KIF1A: variants seen among roughly 807,000 people sequenced by gnomAD.
The protein encoded by KIF1A is kinesin-like protein KIF1A.
Under a neutral mutation model 227.3 loss-of-function variants are expected in KIF1A, and 46 were observed. That is an observed-to-expected ratio of 0.20 (90% CI 0.16 to 0.26). KIF1A has a LOEUF of 0.26. KIF1A is among the 10% of genes least tolerant of loss of function. The pLI is 1.00. For missense variants in KIF1A, 1,683 were observed against 2,485.9 expected (o/e 0.68, Z 6.87); for synonymous variants, 1,022 against 1,012.8 (o/e 1.01, Z -0.17).
At chr2:240,729,725 C>A (rs1181181305) in intron 38 of KIF1A, among the ~76,000 whole-genome samples, 1 of 152,240 alleles carries the variant, frequency 6.6e-6, no homozygotes, top group Non-Finnish European at 1.5e-5. Flanking sequence ...CTGCTCAGAC[C>A]CCAGTGGACT....
rs760838535 is a variant in KIF1A, at chr2:240,742,963, G to C, written c.3606C>G (p.Arg1202=). 1.2e-6 allele frequency: 2 copies of C among 1,611,466 alleles called. No homozygotes were observed. The highest frequency in any genetic ancestry group is 2.7e-5 in the African/African-American group (2 of 74,912). Residue 1202 remains arginine, a synonymous_variant, in exon 34 of 49, where the codon CGC becomes CGG. Transcript: ENST00000498729. The part of the protein sequence containing the change: ...DVLSPLRPSR[R]HFPRVMPLSK... ...ACAGTGGCATGACCCGAGGGAAGTG[G>C]CGGCGCGAGGGCCTCAGGGGGCTGT...
At chr2:240,718,349 G>A (rs1366730709) in intron 47 of KIF1A, among the ~76,000 whole-genome samples, 181 bp from the exon 48 acceptor site, 1 of 152,190 alleles carries the variant, frequency 6.6e-6, no homozygotes, top group African/African-American at 2.4e-5. Flanking sequence ...CCTTCTGGAC[G>A]CATCTGCGGC....
chr2:240,799,698 A>G (rs1333135870), intron 1 of KIF1A, among the ~76,000 whole-genome samples: 1 of 152,204 alleles, frequency 6.6e-6, no homozygotes. Context: ...AGGAACAGGC[A>G]AGTTCACCAG....
At chr2:240,718,407 G>A (rs575182233) in intron 47 of KIF1A, among the ~76,000 whole-genome samples, 4 of 152,350 alleles carry the variant, frequency 2.6e-5, no homozygotes, top group African/African-American at 4.8e-5. Flanking sequence ...CCCACGGGAC[G>A]TGACTGCCCC....
intron 38 of KIF1A, among the ~76,000 whole-genome samples, chr2:240,729,084 T>C (rs527803638): frequency 4.6e-5 from 7 of 152,250 alleles, no homozygotes; most frequent in Admixed American, 6.5e-5. Context: ...CATGTCATCA[T>C]CACTGTCTGG....
rs67736580 is a variant in KIF1A, at chr2:240,766,722, A to ATCTCTCTCTC, written c.1684+183_1684+192dup. Among the ~76,000 whole-genome samples the ATCTCTCTCTC allele has an allele frequency of 2.4e-4, 29 of 122,632 alleles. No homozygotes were observed. Among genetic ancestry groups the ATCTCTCTCTC allele is most frequent in the African/African-American group, 7.1e-4 (20 of 28,344 alleles). The allele number at this position is 122,632 out of a possible 152,430, so 80.5% of individuals were successfully genotyped here. On this transcript the variant is annotated intron_variant, in intron 19 of 48. Transcript: ENST00000498729. The surrounding 1 kb of genome is among the most constrained non-coding windows in gnomAD (Gnocchi z 5.0). ...CCCAAATATCTCTCTCTCTCTCCAA[A>ATCTCTCTCTC]TCTCTCTCTCTCTCTCTCTCTCTCT...
intron 20 of KIF1A, among the ~76,000 whole-genome samples, chr2:240,763,652 C>T (rs2050803250): frequency 6.6e-6 from 1 of 152,204 alleles, no homozygotes; most frequent in Admixed American, 6.5e-5. Flanking sequence ...CTCCTGCCCC[C>T]AAGCCCCTGT....
intron 43 of KIF1A, 114 bp from the exon 44 acceptor site, chr2:240,721,998 G>C: frequency 1.3e-6 from 1 of 798,070 alleles, no homozygotes; most frequent in South Asian, 1.5e-5. Flanking sequence ...TCCGACGCCA[G>C]AGCACAGTGG....
At chr2:240,722,230 T>C (rs184150030) in intron 43 of KIF1A, among the ~76,000 whole-genome samples, 1 of 152,046 alleles carries the variant, frequency 6.6e-6, no homozygotes, top group East Asian at 1.9e-4. Context: ...TTCAAGAGAG[T>C]GATTCATCGC....
At chr2:240,724,297 T>C in intron 40 of KIF1A, 1 of 528,134 alleles carries the variant, frequency 1.9e-6, no homozygotes, top group Non-Finnish European at 3.4e-6. Context: ...CACAGCAGCC[T>C]CCACTTTGTC....
At chr2:240,719,579 A>C (rs1481572316) in intron 46 of KIF1A, among the ~76,000 whole-genome samples, 195 bp downstream of exon 46, 1 of 151,932 alleles carries the variant, frequency 6.6e-6, no homozygotes. Context: ...GCCCTGCCTG[A>C]CCTCCCAGCA....
At position 240,714,076 on chromosome 2, in the gene KIF1A, A is replaced by C. The variant is rs1559467743; in HGVS notation, c.*3288T>G. ...GACCGCACGGCCCGGCACCGGGGGT[A>C]AGGGAGTGTGCCTTCCGTGGTCCCC... On this transcript the variant is annotated 3_prime_UTR_variant, in exon 49 of 49. Coordinates refer to ENST00000498729, the MANE Select transcript of KIF1A (RefSeq NM_001244008.2). The C allele has an allele frequency of 6.6e-6, 1 of 152,508 alleles. No individual in the cohort carries two copies. The highest frequency in any genetic ancestry group is 1.5e-5 in the Non-Finnish European group (1 of 68,192). The allele number at this position is 152,508 out of a possible 1,614,324, so 9.4% of individuals were successfully genotyped here.
rs1363332329 is a variant in KIF1A, at chr2:240,757,269, G to A, written c.2858+50C>T. ...CCTCTGTGCCCGCAGCAGTGCTCCT[G>A]TGCAAAAGAGCTGGGTCCTCCCCAG... On this transcript the variant is annotated intron_variant, in intron 27 of 48. Coordinates refer to ENST00000498729, the MANE Select transcript of KIF1A (RefSeq NM_001244008.2). This position sits in a 1 kb window ranked among gnomAD's most constrained non-coding sequence, Gnocchi z 6.2. 2 of 1,512,382 alleles carry A rather than the reference G, an allele frequency of 1.3e-6. No homozygotes were observed. Among genetic ancestry groups the A allele is most frequent in the African/African-American group, 2.8e-5 (2 of 72,348 alleles). 93.7% of individuals were successfully genotyped at this position (1,512,382 alleles called of 1,614,324 possible). A position where few individuals can be genotyped will look rare whatever the true frequency, so the allele number is the denominator to read the frequency against.
intron 27 of KIF1A, among the ~76,000 whole-genome samples, chr2:240,754,284 C>T (rs1009601050): frequency 6.6e-6 from 1 of 152,238 alleles, no homozygotes; most frequent in Non-Finnish European, 1.5e-5. Flanking sequence ...TGAGCATCCT[C>T]ATGGCACTGA....
At chr2:240,802,824 T>C (rs1381790929) in intron 1 of KIF1A, among the ~76,000 whole-genome samples, 1 of 152,110 alleles carries the variant, frequency 6.6e-6, no homozygotes, top group Non-Finnish European at 1.5e-5. Context: ...GGGATGGGGT[T>C]TCACTATGTT....
chr2:240,745,901 G>C lies in KIF1A; in HGVS notation c.3211C>G (p.Pro1071Ala), dbSNP rs777841216. The C allele has an allele frequency of 3.1e-6, 5 of 1,603,042 alleles. No individual in the cohort carries two copies. The East Asian group carries it at 1.1e-4, about 36-fold the overall frequency. Residue 1071 changes from proline to alanine, a missense_variant, in exon 31 of 49, where the codon CCA becomes GCA. By Grantham distance (27) the Pro-to-Ala change is conservative. Around this residue, in one of 12 missense-constraint regions of KIF1A, gnomAD observed 759 missense variants for 1,020.2 expected, o/e 0.74. Coordinates refer to ENST00000498729, the MANE Select transcript of KIF1A (RefSeq NM_001244008.2). ...VNNNTCSAVP[P>A]EGLLLDSSEK... ...GAGCTGTCTAGGAGGAGGCCTTCTG[G>C]GGGCACTGCTGCTGGGAGTCAAGGA... is the stretch of plus-strand genomic sequence containing the variant.
Position 240,750,566 on chromosome 2 carries a change from G to A in KIF1A, c.2859-19C>T, listed in dbSNP as rs773475043. On this transcript the variant is annotated intron_variant, in intron 27 of 48. Transcript: ENST00000498729. Reference sequence around the variant, plus strand: ...GAAGGCCCTGGGGAGAAGCAGAGGCGGCGGTCATGGGCCACCCCTCCACGC... The same window carrying A: ...GAAGGCCCTGGGGAGAAGCAGAGGCAGCGGTCATGGGCCACCCCTCCACGC... 24 of 1,553,858 alleles carry A rather than the reference G, an allele frequency of 1.5e-5. No homozygotes were observed. The highest frequency in any genetic ancestry group is 1.7e-4 in the Middle Eastern group (1 of 5,984).
At chr2:240,721,728 T>C in intron 44 of KIF1A, 79 bp downstream of exon 44, 2 of 1,149,328 alleles carry the variant, frequency 1.7e-6, no homozygotes, top group Non-Finnish European at 1.3e-6. Flanking sequence ...CCACTTGGAA[T>C]GGGAGTTTTC....
intron 27 of KIF1A, among the ~76,000 whole-genome samples, chr2:240,754,622 C>T (rs575749762): frequency 3.3e-5 from 5 of 152,334 alleles, no homozygotes; most frequent in Non-Finnish European, 2.9e-5. Context: ...CCTCCAGGGC[C>T]GCAGGTCTCA....
Sources: gnomAD v4.1 joint callset for allele counts (sites outside exome capture counted in the v4.1 genomes callset) on GRCh38, gnomAD v4.1.1 for gene constraint, gnomAD v4.1.1 regional missense constraint, Gnocchi (gnomAD v3.1) non-coding constraint, MANE v1.5 for transcripts, NCBI Gene and HGNC (gene_info 2026-07-23, HGNC 2026-07-21) for gene names.